The following LRRTM4 variants were observed in gnomAD, a reference collection of about 807,000 sequenced individuals.
LRRTM4 encodes the protein leucine-rich repeat transmembrane neuronal protein 4.
LRRTM4 carries 25 observed loss-of-function variants against 47.6 expected under a neutral mutation model. The observed-to-expected ratio is 0.53, with a 90% CI of 0.38 to 0.73. The LOEUF (loss-of-function observed/expected upper bound fraction) is 0.73, where lower values mean the gene tolerates loss of function less well. LRRTM4 is among the 30% of genes least tolerant of loss of function. LRRTM4 has a pLI of 0.00. For missense variants in LRRTM4, 638 were observed against 713.4 expected (o/e 0.89, Z 1.20); for synonymous variants, 311 against 269.5 (o/e 1.15, Z -1.51).
At chr2:77,500,165 T>C (rs186622655) in intron 3 of LRRTM4, among the ~76,000 whole-genome samples, 9 of 151,874 alleles carry the variant, frequency 5.9e-5, no homozygotes, top group Admixed American at 3.3e-4. Flanking sequence ...GAATGCTCCA[T>C]GTTCTTGGAC....
At chr2:77,512,107 C>T (rs1384951557) in intron 3 of LRRTM4, among the ~76,000 whole-genome samples, 1 of 152,052 alleles carries the variant, frequency 6.6e-6, no homozygotes, top group Admixed American at 6.6e-5. Context: ...ACAGGTGTAC[C>T]ATATTACCTG....
intron 3 of LRRTM4, among the ~76,000 whole-genome samples, chr2:76,919,118 A>C (rs1445573140): frequency 6.6e-6 from 1 of 152,156 alleles, no homozygotes; most frequent in Non-Finnish European, 1.5e-5. Context: ...TATGGCACAC[A>C]AGCAAAGTGT....
intron 3 of LRRTM4, chr2:77,009,872 G>A (rs1486291058): frequency 3.3e-5 from 5 of 151,860 alleles, no homozygotes; most frequent in African/African-American, 9.7e-5. Context: ...ACCTCTTCAA[G>A]TCACTATCAT....
At chr2:77,216,970 G>T (rs942342331) in intron 3 of LRRTM4, among the ~76,000 whole-genome samples, 2 of 151,772 alleles carry the variant, frequency 1.3e-5, no homozygotes, top group African/African-American at 4.8e-5. Context: ...CTACTCGGGA[G>T]GCTGAGGCAG....
chr2:76,983,334 C>T (rs988681758), intron 3 of LRRTM4, among the ~76,000 whole-genome samples: 2 of 152,080 alleles, frequency 1.3e-5, no homozygotes, highest in Non-Finnish European at 2.9e-5. Context: ...ACCCAAATCT[C>T]TCCTTGAATT....
At chr2:77,081,409 C>G (rs1025231921) in intron 3 of LRRTM4, among the ~76,000 whole-genome samples, 4 of 151,376 alleles carry the variant, frequency 2.6e-5, no homozygotes, top group Non-Finnish European at 5.9e-5. Context: ...TCACATTATA[C>G]AAATCATTTA....
intron 3 of LRRTM4, among the ~76,000 whole-genome samples, chr2:77,278,868 C>T (rs372645422): frequency 6.5e-4 from 99 of 152,076 alleles, no homozygotes; most frequent in Admixed American, 2.0e-3. Flanking sequence ...TCATTACCTA[C>T]GACTGTCCTT....
chr2:76,937,432 T>C (rs1674993989), intron 3 of LRRTM4, among the ~76,000 whole-genome samples: 1 of 152,218 alleles, frequency 6.6e-6, no homozygotes, highest in East Asian at 1.9e-4. Flanking sequence ...CTGGTCATCC[T>C]TCACTTCTAA....
chr2:77,391,679 T>C (rs1422041340), intron 3 of LRRTM4, among the ~76,000 whole-genome samples: 1 of 151,978 alleles, frequency 6.6e-6, no homozygotes, highest in Non-Finnish European at 1.5e-5. Flanking sequence ...TGCAAATTTA[T>C]AATTCCTTCC....
chr2:77,251,122 T>C (rs1340784887), intron 3 of LRRTM4, among the ~76,000 whole-genome samples: 4 of 146,206 alleles, frequency 2.7e-5, no homozygotes, highest in African/African-American at 1.0e-4. Context: ...AAAATATATA[T>C]ACACACATAT....
At chr2:77,103,068 C>T (rs748408638) in intron 3 of LRRTM4, among the ~76,000 whole-genome samples, 100 of 151,966 alleles carry the variant, frequency 6.6e-4, no homozygotes, top group Non-Finnish European at 1.9e-4. Context: ...AGTTGGGCCC[C>T]AATATTGATT....
At chr2:76,774,876 C>T (rs1673894471) in intron 3 of LRRTM4, among the ~76,000 whole-genome samples, 1 of 152,160 alleles carries the variant, frequency 6.6e-6, no homozygotes, top group African/African-American at 2.4e-5. Flanking sequence ...CAAAGTTAGT[C>T]TTAAATAATT....
intron 3 of LRRTM4, among the ~76,000 whole-genome samples, chr2:77,235,432 A>G (rs908373511): frequency 6.6e-6 from 1 of 151,960 alleles, no homozygotes; most frequent in African/African-American, 2.4e-5. Context: ...CTGAATCAAG[A>G]TTCTTTTTTG....
intron 3 of LRRTM4, among the ~76,000 whole-genome samples, chr2:76,915,285 A>AG (rs1454539822): frequency 6.6e-6 from 1 of 152,174 alleles, no homozygotes; most frequent in Non-Finnish European, 1.5e-5. Flanking sequence ...AAAGTTCATC[A>AG]GGTAACTGAA....
intron 3 of LRRTM4, among the ~76,000 whole-genome samples, chr2:76,843,162 G>T (rs1381589326): frequency 1.2e-4 from 19 of 152,098 alleles, no homozygotes; most frequent in Admixed American, 1.2e-3. Flanking sequence ...GTAAATTTGA[G>T]TGAGGAGAAG....
intron 3 of LRRTM4, among the ~76,000 whole-genome samples, chr2:76,822,563 T>G (rs1671081943): frequency 6.6e-6 from 1 of 151,598 alleles, no homozygotes; most frequent in African/African-American, 2.4e-5. Context: ...GCTCATTATA[T>G]TCCAAGTGAG....
At chr2:77,155,265 GA>G (rs977969593) in intron 3 of LRRTM4, among the ~76,000 whole-genome samples, 5 of 151,754 alleles carry the variant, frequency 3.3e-5, no homozygotes, top group Non-Finnish European at 5.9e-5. Flanking sequence ...TTATAAAAAT[GA>G]AGGATTTTTT....
chr2:77,247,078 T>A (rs1675468259), intron 3 of LRRTM4, among the ~76,000 whole-genome samples: 1 of 152,106 alleles, frequency 6.6e-6, no homozygotes. Flanking sequence ...CTTCATTTTC[T>A]AAATAAGGAT....
At chr2:76,968,359 T>C (rs976678598) in intron 3 of LRRTM4, among the ~76,000 whole-genome samples, 1 of 117,848 alleles carries the variant, frequency 8.5e-6, no homozygotes. Flanking sequence ...TATATATATA[T>C]ATATATATAT....
Sources: allele counts gnomAD v4.1 joint callset (sites outside exome capture counted in the v4.1 genomes callset), GRCh38; gene constraint gnomAD v4.1.1; transcripts MANE v1.5; gene names NCBI Gene and HGNC (gene_info 2026-07-23, HGNC 2026-07-21).